The following VSTM2B variants were observed in gnomAD, a reference collection of about 807,000 sequenced individuals.
VSTM2B encodes V-set and transmembrane domain containing 2B.
VSTM2B carries 24 observed loss-of-function variants against 24.0 expected under a neutral mutation model. That is an observed-to-expected ratio of 1.00 (90% CI 0.72 to 1.40). The LOEUF is 1.40. Among genes scored for constraint, VSTM2B ranks in the 40% most tolerant of loss-of-function variants. The probability of loss-of-function intolerance (pLI) is 0.00; values close to 1 mark genes in which losing one functional copy is unlikely to be tolerated. For synonymous variants in VSTM2B, 226 were observed against 194.4 expected (o/e 1.16, Z -1.35); for missense variants, 399 against 416.4 (o/e 0.96, Z 0.36).
intron 3 of VSTM2B, 58 bp downstream of exon 3, chr19:29,528,520 G>A: frequency 1.3e-6 from 2 of 1,545,894 alleles, no homozygotes; most frequent in Non-Finnish European, 1.7e-6. Context: ...CTCGGGTCCC[G>A]CAGCTCCCTC....
In VSTM2B at chr19:29,563,930, A is replaced by G. The variant is rs1214717577; in HGVS notation, c.854A>G (p.His285Arg). 1 of 1,552,342 alleles carries G rather than the reference A, an allele frequency of 6.4e-7. No individual in the cohort carries two copies. Among genetic ancestry groups the G allele is most frequent in the Admixed American group, 2.0e-5 (1 of 51,012 alleles). Reference sequence around the variant, plus strand: ...AAGTTCCTGCGCCTGCTCTTGGGACATTGACAGACAAGACCAACCCGAGCA... The same window carrying G: ...AAGTTCCTGCGCCTGCTCTTGGGACGTTGACAGACAAGACCAACCCGAGCA... ...LHKFLRLLLGH is the reference protein window; with the variant it reads ...LHKFLRLLLGR Residue 285 changes from histidine (H) to arginine (R), a missense_variant, in exon 5 of 5, where the codon CAT (histidine) becomes CGT (arginine). Coordinates refer to ENST00000335523, the MANE Select transcript of VSTM2B (RefSeq NM_001146339.2).
chr19:29,554,841 G>T (rs1425078813), intron 4 of VSTM2B, among the ~76,000 whole-genome samples: 1 of 152,122 alleles, frequency 6.6e-6, no homozygotes, highest in African/African-American at 2.4e-5. Flanking sequence ...TGATAAAAAG[G>T]ATCCATTCAA....
At chr19:29,561,934 C>G (rs547960447) in intron 4 of VSTM2B, among the ~76,000 whole-genome samples, 51 of 152,350 alleles carry the variant, frequency 3.3e-4, no homozygotes, top group African/African-American at 1.1e-3. Context: ...CCAGCCTGAG[C>G]TGTGCTGCAG....
At chr19:29,530,387 C>T in intron 4 of VSTM2B, 97 bp downstream of exon 4, 1 of 1,166,670 alleles carries the variant, frequency 8.6e-7, no homozygotes, top group Middle Eastern at 3.0e-4. Flanking sequence ...GGACCCGCCC[C>T]CTGGGCGCAT....
At chr19:29,535,633 C>T (rs942760235) in intron 4 of VSTM2B, among the ~76,000 whole-genome samples, 2 of 152,176 alleles carry the variant, frequency 1.3e-5, no homozygotes, top group South Asian at 2.1e-4. Context: ...CCGCGGATGT[C>T]GCCATGGCAA....
chr19:29,563,724 C>T, intron 4 of VSTM2B, 122 bp from the exon 5 acceptor site: 2 of 781,722 alleles, frequency 2.6e-6, no homozygotes, highest in Non-Finnish European at 4.2e-6. Context: ...CACCAGCCTC[C>T]AGCTGGGTGC....
intron 4 of VSTM2B, among the ~76,000 whole-genome samples, chr19:29,540,232 G>A (rs1167483767): frequency 6.6e-6 from 1 of 152,214 alleles, no homozygotes; most frequent in Non-Finnish European, 1.5e-5. Context: ...CAAGGGGCAG[G>A]GAGCTACCCA....
At chr19:29,534,303 T>C (rs569040653) in intron 4 of VSTM2B, among the ~76,000 whole-genome samples, 2 of 152,160 alleles carry the variant, frequency 1.3e-5, no homozygotes, top group African/African-American at 4.8e-5. Flanking sequence ...GGCCTCCCTT[T>C]GGCCAAACCC....
chr19:29,561,528 G>A (rs1377249801), intron 4 of VSTM2B, among the ~76,000 whole-genome samples: 1 of 152,146 alleles, frequency 6.6e-6, no homozygotes, highest in East Asian at 1.9e-4. Flanking sequence ...GGGAGGCTGA[G>A]GCAGGAGAAT....
At chr19:29,550,759 C>G (rs1012365020) in intron 4 of VSTM2B, among the ~76,000 whole-genome samples, 1 of 151,952 alleles carries the variant, frequency 6.6e-6, no homozygotes, top group Non-Finnish European at 1.5e-5. Context: ...CCAGACCAGC[C>G]TGTTGTCCAT....
At position 29,536,870 on chromosome 19, in the gene VSTM2B, G is replaced by A. The variant is rs536858711; in HGVS notation, c.769+6580G>A. Among the ~76,000 whole-genome samples, 5 of 152,344 alleles carry A rather than the reference G, an allele frequency of 3.3e-5. No homozygotes were observed. The East Asian group carries it at 9.6e-4, about 29-fold the overall frequency. On this transcript the variant is annotated intron_variant, in intron 4 of 4. Coordinates refer to ENST00000335523, the MANE Select transcript of VSTM2B (RefSeq NM_001146339.2). ...CCAAGCATCCGTGGGGATAAATGAGGTCAAGTGCTTTTGTAATATGATATT... is the reference window on the plus strand; with the variant it reads ...CCAAGCATCCGTGGGGATAAATGAGATCAAGTGCTTTTGTAATATGATATT...
At chr19:29,548,067 G>A (rs1292459512) in intron 4 of VSTM2B, among the ~76,000 whole-genome samples, 1 of 152,110 alleles carries the variant, frequency 6.6e-6, no homozygotes, top group East Asian at 1.9e-4. Context: ...GCTGTCATTG[G>A]GCATAGTGGA....
chr19:29,530,663 T>C (rs986314217), intron 4 of VSTM2B, among the ~76,000 whole-genome samples: 2 of 151,936 alleles, frequency 1.3e-5, no homozygotes, highest in African/African-American at 4.8e-5. Flanking sequence ...CCACCGGTGG[T>C]GGAAATGAGC....
intron 4 of VSTM2B, among the ~76,000 whole-genome samples, chr19:29,559,982 C>A (rs1055995349): frequency 6.6e-6 from 1 of 152,038 alleles, no homozygotes; most frequent in South Asian, 2.1e-4. Flanking sequence ...TGTCTATGAT[C>A]GGCTGCTAAT....
At chr19:29,527,531 C>A in intron 2 of VSTM2B, 136 bp downstream of exon 2, 4 of 704,412 alleles carry the variant, frequency 5.7e-6, no homozygotes, top group Non-Finnish European at 8.6e-6. Flanking sequence ...TCCACCTTCG[C>A]ATCCCAAAGC....
At chr19:29,550,915 C>T (rs1970267619) in intron 4 of VSTM2B, among the ~76,000 whole-genome samples, 1 of 152,132 alleles carries the variant, frequency 6.6e-6, no homozygotes, top group Non-Finnish European at 1.5e-5. Context: ...GGGCAAGGGA[C>T]CTGGCCAGGC....
rs1212461232 is a variant in VSTM2B, at chr19:29,529,794, G to C, written c.298-25G>C. ...AGTAGGTTTGGGAGCTGCCCAGCCC[G>C]GCCTCTAACCCTGCTCTCTTGCAGA... On this transcript the variant is annotated intron_variant, in intron 3 of 4. Coordinates refer to ENST00000335523, the MANE Select transcript of VSTM2B (RefSeq NM_001146339.2). 10 of 1,544,024 alleles carry C rather than the reference G, an allele frequency of 6.5e-6. No homozygotes were observed. In the Admixed American group the frequency reaches 9.9e-5, roughly 15 times the overall value.
At chr19:29,529,700 G>A in intron 3 of VSTM2B, 119 bp from the exon 4 acceptor site, 1 of 1,027,788 alleles carries the variant, frequency 9.7e-7, no homozygotes, top group Non-Finnish European at 1.4e-6. Context: ...CGTGATGGTG[G>A]GCAAACCAGG....
chr19:29,562,609 C>T lies in VSTM2B; in HGVS notation c.770-1237C>T, dbSNP rs373763817. Among the ~76,000 whole-genome samples the T allele has an allele frequency of 5.3e-5, 8 of 152,316 alleles. No homozygotes were observed. The East Asian group carries it at 1.2e-3, about 22-fold the overall frequency. ...CTGAAAACTGCATCCATTCATGCCGCTGACTCTAAGCAAGTAGTGACGTCC... is the reference window on the plus strand; with the variant it reads ...CTGAAAACTGCATCCATTCATGCCGTTGACTCTAAGCAAGTAGTGACGTCC... On this transcript the variant is annotated intron_variant, in intron 4 of 4. Coordinates refer to ENST00000335523, the MANE Select transcript of VSTM2B (RefSeq NM_001146339.2).
Sources: allele counts gnomAD v4.1 joint callset (sites outside exome capture counted in the v4.1 genomes callset), GRCh38; gene constraint gnomAD v4.1.1; transcripts MANE v1.5; gene names NCBI Gene and HGNC (gene_info 2026-07-23, HGNC 2026-07-21).